GPC5: variants seen among roughly 807,000 people sequenced by gnomAD.
The protein encoded by GPC5 is glypican-5.
Under a neutral mutation model 53.9 loss-of-function variants are expected in GPC5, and 47 were observed. That is an observed-to-expected ratio of 0.87 (90% confidence interval 0.69 to 1.11). The LOEUF is 1.11. Ranked by LOEUF, GPC5 falls within the 50% of genes most tolerant of loss-of-function variation. The pLI is 0.00. For synonymous variants in GPC5, 286 were observed against 263.3 expected (o/e 1.09, Z -0.84); for missense variants, 748 against 713.1 (o/e 1.05, Z -0.56).
chr13:91,974,621 G>A (rs375934499), intron 6 of GPC5, among the ~76,000 whole-genome samples: 11 of 152,054 alleles, frequency 7.2e-5, no homozygotes, highest in African/African-American at 2.4e-4. Context: ...AATAAAAGAG[G>A]ATACAAACAA....
At chr13:91,967,607 T>C (rs1258137088) in intron 6 of GPC5, among the ~76,000 whole-genome samples, 1 of 152,060 alleles carries the variant, frequency 6.6e-6, no homozygotes, top group East Asian at 1.9e-4. Flanking sequence ...ATAAAGTTTC[T>C]AAAATTATAA....
At chr13:92,565,491 C>A (rs2139034674) in intron 7 of GPC5, among the ~76,000 whole-genome samples, 1 of 152,110 alleles carries the variant, frequency 6.6e-6, no homozygotes, top group East Asian at 1.9e-4. Context: ...TCACATATAG[C>A]TTTTTTTCAC....
intron 6 of GPC5, among the ~76,000 whole-genome samples, chr13:92,090,412 T>C (rs1210473691): frequency 6.6e-6 from 1 of 152,038 alleles, no homozygotes; most frequent in Non-Finnish European, 1.5e-5. Flanking sequence ...ATGGGATTAG[T>C]AGACTTATAA....
intron 2 of GPC5, among the ~76,000 whole-genome samples, chr13:91,474,499 C>T (rs920291953): frequency 2.0e-5 from 3 of 152,032 alleles, no homozygotes; most frequent in Non-Finnish European, 2.9e-5. Context: ...CTGTCAGTTT[C>T]TCAATCTCTT....
At chr13:92,575,009 A>G (rs1466897889) in intron 7 of GPC5, among the ~76,000 whole-genome samples, 2 of 152,116 alleles carry the variant, frequency 1.3e-5, no homozygotes, top group African/African-American at 4.8e-5. Context: ...GCTTTGCTAT[A>G]CTCAATTGCT....
chr13:92,206,202 G>A (rs1347025355), intron 7 of GPC5, among the ~76,000 whole-genome samples: 2 of 131,302 alleles, frequency 1.5e-5, no homozygotes, highest in Admixed American at 1.6e-4. Context: ...GTCTCGGTCT[G>A]TCGCCCAGGC....
chr13:91,505,839 T>C (rs957261394), intron 2 of GPC5, among the ~76,000 whole-genome samples: 2 of 152,224 alleles, frequency 1.3e-5, no homozygotes, highest in African/African-American at 4.8e-5. Flanking sequence ...ATAAAGGAGA[T>C]ATTATGATAA....
At chr13:92,342,539 A>G (rs2043375910) in intron 7 of GPC5, among the ~76,000 whole-genome samples, 2 of 152,122 alleles carry the variant, frequency 1.3e-5, no homozygotes, top group South Asian at 4.1e-4. Flanking sequence ...GAAGACACAC[A>G]TAAGTTACCG....
intron 3 of GPC5, among the ~76,000 whole-genome samples, chr13:91,716,532 T>C (rs936203280): frequency 1.3e-5 from 2 of 152,270 alleles, no homozygotes; most frequent in African/African-American, 4.8e-5. Flanking sequence ...ATCTGCATTA[T>C]ATCTGTGACT....
chr13:92,799,152 T>A (rs1876811150), intron 7 of GPC5, among the ~76,000 whole-genome samples: 1 of 151,804 alleles, frequency 6.6e-6, no homozygotes, highest in South Asian at 2.1e-4. Context: ...TGAGGATATT[T>A]AGATATTTTT....
At position 92,783,590 on chromosome 13, in the gene GPC5, A is replaced by C. The variant is rs556893442; in HGVS notation, c.1562-82692A>C. Among the ~76,000 whole-genome samples, 8 of 152,306 alleles carry C rather than the reference A, an allele frequency of 5.3e-5. No individual in the cohort carries two copies. The South Asian group carries it at 1.7e-3, about 32-fold the overall frequency. On this transcript the variant is annotated intron_variant, in intron 7 of 7. Transcript: ENST00000377067. ...AATGAGGGTCTTGTTAGTTGGATGG[A>C]TCTTACCTTCATAATCAAAGGGCCA... is the stretch of plus-strand genomic sequence containing the variant.
At chr13:92,841,048 T>C (rs1878412644) in intron 7 of GPC5, among the ~76,000 whole-genome samples, 1 of 152,108 alleles carries the variant, frequency 6.6e-6, no homozygotes, top group South Asian at 2.1e-4. Context: ...AAGTCATCAG[T>C]AAACAGAGCT....
chr13:91,895,445 T>G (rs2039431222), intron 5 of GPC5, among the ~76,000 whole-genome samples: 1 of 152,206 alleles, frequency 6.6e-6, no homozygotes, highest in Admixed American at 6.5e-5. Flanking sequence ...GTGCTGAGGT[T>G]GGACAAGCAG....
intron 2 of GPC5, among the ~76,000 whole-genome samples, chr13:91,664,238 T>TTTC (rs2035052630): frequency 6.6e-6 from 1 of 152,248 alleles, no homozygotes; most frequent in African/African-American, 2.4e-5. Context: ...TTCAGGCAGG[T>TTTC]TAATTACGCT....
At chr13:92,653,781 G>A (rs1886036067) in intron 7 of GPC5, among the ~76,000 whole-genome samples, 1 of 152,166 alleles carries the variant, frequency 6.6e-6, no homozygotes, top group Admixed American at 6.5e-5. Context: ...CAGCAGGGAA[G>A]GATCCTGAGA....
intron 7 of GPC5, among the ~76,000 whole-genome samples, chr13:92,218,061 C>A (rs2042423660): frequency 6.6e-6 from 1 of 151,538 alleles, no homozygotes; most frequent in African/African-American, 2.4e-5. Flanking sequence ...GTAGCTAGAA[C>A]TACAGGAATA....
intron 5 of GPC5, among the ~76,000 whole-genome samples, chr13:91,756,918 G>C (rs1050304909): frequency 6.6e-6 from 1 of 151,998 alleles, no homozygotes; most frequent in African/African-American, 2.4e-5. Context: ...TTGAGAAAGA[G>C]AGAGAGAGAC....
At chr13:91,920,296 A>G (rs1433806603) in intron 6 of GPC5, among the ~76,000 whole-genome samples, 1 of 152,182 alleles carries the variant, frequency 6.6e-6, no homozygotes, top group Non-Finnish European at 1.5e-5. Flanking sequence ...AATATATTAA[A>G]AATTAAAAAT....
At chr13:92,218,240 A>G (rs1443783168) in intron 7 of GPC5, among the ~76,000 whole-genome samples, 1 of 152,026 alleles carries the variant, frequency 6.6e-6, no homozygotes, top group Non-Finnish European at 1.5e-5. Context: ...CCAAACAGAA[A>G]TTGACATGTC....
Sources: allele counts gnomAD v4.1 joint callset (sites outside exome capture counted in the v4.1 genomes callset), GRCh38; gene constraint gnomAD v4.1.1; transcripts MANE v1.5; gene names NCBI Gene and HGNC (gene_info 2026-07-23, HGNC 2026-07-21).